The following TRPM3 variants were observed in gnomAD, a reference collection of about 807,000 sequenced individuals.
TRPM3 encodes transient receptor potential cation channel subfamily M member 3.
TRPM3 carries 77 observed loss-of-function variants against 181.2 expected under a neutral mutation model. That is an observed-to-expected ratio of 0.42 (90% CI 0.35 to 0.51). The LOEUF (loss-of-function observed/expected upper bound fraction) is 0.51, where lower values mean the gene tolerates loss of function less well. Among genes scored for constraint, TRPM3 ranks in the 20% least tolerant of loss-of-function variants. TRPM3 has a pLI of 0.01. For missense variants in TRPM3, 1,759 were observed against 2,196.7 expected (o/e 0.80, Z 3.98); for synonymous variants, 745 against 796.4 (o/e 0.94, Z 1.09).
intron 1 of TRPM3, among the ~76,000 whole-genome samples, chr9:71,094,223 C>A (rs1246495617): frequency 1.3e-5 from 2 of 151,734 alleles, no homozygotes; most frequent in African/African-American, 2.4e-5. Flanking sequence ...CAAACCTGCA[C>A]GTTGTGTGCA....
intron 1 of TRPM3, among the ~76,000 whole-genome samples, chr9:71,184,708 G>A (rs2077578889): frequency 6.6e-6 from 1 of 152,070 alleles, no homozygotes; most frequent in Non-Finnish European, 1.5e-5. Flanking sequence ...TTTTTCTTCT[G>A]TCTTGTTGCC....
chr9:71,402,258 C>T (rs1106948), intron 1 of TRPM3, among the ~76,000 whole-genome samples: 79,123 of 151,990 alleles, frequency 0.52, 20,931 homozygotes, highest in East Asian at 0.59. Flanking sequence ...GAAAAGGTGG[C>T]ACAAAATCTT....
intron 1 of TRPM3, among the ~76,000 whole-genome samples, chr9:71,231,256 G>A (rs1158786297): frequency 3.3e-5 from 5 of 152,124 alleles, no homozygotes; most frequent in Admixed American, 3.3e-4. Context: ...AATTCAATAT[G>A]AGAGTCTTAT....
At chr9:70,694,641 C>T (rs7023252) in intron 8 of TRPM3, among the ~76,000 whole-genome samples, 54,998 of 151,838 alleles carry the variant, frequency 0.36, 10,215 homozygotes, top group East Asian at 0.46. Context: ...CCACCACGCC[C>T]GGCTAATTTT....
At chr9:71,004,785 CAATAAT>C (rs756798354) in intron 1 of TRPM3, among the ~76,000 whole-genome samples, 65 of 151,396 alleles carry the variant, frequency 4.3e-4, no homozygotes, top group Non-Finnish European at 7.4e-4. Context: ...GAAATAGAAA[CAATAAT>C]AATAAAAAGA....
At chr9:70,807,721 G>GA (rs2091011803) in intron 6 of TRPM3, among the ~76,000 whole-genome samples, 2 of 152,148 alleles carry the variant, frequency 1.3e-5, no homozygotes, top group Non-Finnish European at 2.9e-5. Context: ...GAAGGCAGAT[G>GA]GGAGACTATG....
intron 1 of TRPM3, among the ~76,000 whole-genome samples, chr9:71,019,301 A>T (rs2097821039): frequency 6.6e-6 from 1 of 152,124 alleles, no homozygotes; most frequent in African/African-American, 2.4e-5. Flanking sequence ...TTGGAAAGGA[A>T]CTAATAAATC....
At chr9:71,221,802 A>C (rs1417072658) in intron 1 of TRPM3, among the ~76,000 whole-genome samples, 1 of 152,224 alleles carries the variant, frequency 6.6e-6, no homozygotes, top group Non-Finnish European at 1.5e-5. Context: ...AAACTGGGGA[A>C]TAAAAACCAG....
At chr9:70,899,415 T>TAAAA (rs1281155787) in intron 1 of TRPM3, among the ~76,000 whole-genome samples, 2 of 152,202 alleles carry the variant, frequency 1.3e-5, no homozygotes, top group East Asian at 3.9e-4. Flanking sequence ...AACCCTTTTC[T>TAAAA]ATCTCTTTTC....
chr9:70,856,740 G>C (rs11142624), intron 3 of TRPM3, among the ~76,000 whole-genome samples: 12,130 of 152,184 alleles, frequency 0.08, 727 homozygotes, highest in East Asian at 0.28. Flanking sequence ...ATCATATGAA[G>C]ATTATAATAA....
At chr9:70,859,239 C>CCAG (rs1268609380) in intron 3 of TRPM3, among the ~76,000 whole-genome samples, 2 of 152,142 alleles carry the variant, frequency 1.3e-5, no homozygotes, top group Non-Finnish European at 2.9e-5. Context: ...AACCTGATCA[C>CCAG]CAGCAGACAA....
At chr9:71,323,524 A>T (rs2089429690) in intron 1 of TRPM3, among the ~76,000 whole-genome samples, 1 of 152,116 alleles carries the variant, frequency 6.6e-6, no homozygotes. Flanking sequence ...TGTTGTCTGC[A>T]AGCTTTCCAC....
chr9:70,560,193 G>A (rs1352363144), intron 22 of TRPM3, among the ~76,000 whole-genome samples: 1 of 152,184 alleles, frequency 6.6e-6, no homozygotes, highest in Non-Finnish European at 1.5e-5. Flanking sequence ...GTGCCGAGGG[G>A]TGAAATGCCT....
chr9:70,796,543 T>C (rs1354496499), intron 6 of TRPM3, among the ~76,000 whole-genome samples: 1 of 152,218 alleles, frequency 6.6e-6, no homozygotes, highest in Admixed American at 6.5e-5. Flanking sequence ...ACATTCTCAT[T>C]GTGTGTTCTC....
chr9:70,551,731 G>A (rs1237408706), intron 24 of TRPM3, among the ~76,000 whole-genome samples: 1 of 152,122 alleles, frequency 6.6e-6, no homozygotes, highest in African/African-American at 2.4e-5. Flanking sequence ...AGAGCATCCC[G>A]CTGCCCCTGA....
chr9:71,436,619 C>T (rs2094044540), intron 1 of TRPM3, among the ~76,000 whole-genome samples: 1 of 152,004 alleles, frequency 6.6e-6, no homozygotes, highest in East Asian at 1.9e-4. Context: ...TCTTTTTCTT[C>T]CCAGTCTTGA....
chr9:71,299,806 G>A (rs2086614918), intron 1 of TRPM3, among the ~76,000 whole-genome samples: 1 of 152,082 alleles, frequency 6.6e-6, no homozygotes, highest in Non-Finnish European at 1.5e-5. Flanking sequence ...CTGAAAATTT[G>A]TGGGAAAAAT....
chr9:70,623,360 C>T (rs555923025), intron 14 of TRPM3, among the ~76,000 whole-genome samples: 6 of 117,280 alleles, frequency 5.1e-5, no homozygotes, highest in South Asian at 3.3e-4. Flanking sequence ...GGTGAGACTG[C>T]GTCTCAAAAA....
intron 1 of TRPM3, among the ~76,000 whole-genome samples, chr9:71,280,959 G>T (rs7037178): frequency 0.53 from 80,261 of 152,084 alleles, 21,340 homozygotes; most frequent in African/African-American, 0.6. Context: ...TGACTGTTCA[G>T]ATGTTTTTTG....
Sources: gnomAD v4.1 joint callset for allele counts (sites outside exome capture counted in the v4.1 genomes callset) on GRCh38, gnomAD v4.1.1 for gene constraint, MANE v1.5 for transcripts, NCBI Gene and HGNC (gene_info 2026-07-23, HGNC 2026-07-21) for gene names.